KCNQ5: variants seen among roughly 807,000 people sequenced by gnomAD.
The protein encoded by KCNQ5 is potassium voltage-gated channel subfamily KQT member 5.
In KCNQ5, 30 loss-of-function variants were observed where a neutral mutation model predicts 98.2. The ratio of observed to expected loss-of-function variants is 0.31; its 90% confidence interval spans 0.23 to 0.41. KCNQ5 has a LOEUF of 0.41. Ranked by LOEUF, KCNQ5 falls within the 10% of genes least tolerant of loss-of-function variation. KCNQ5 has a pLI of 1.00. For missense variants in KCNQ5, 835 were observed against 1,182.5 expected (o/e 0.71, Z 4.31); for synonymous variants, 458 against 449.4 (o/e 1.02, Z -0.24).
chr6:73,023,242 A>G (rs1382950594), intron 2 of KCNQ5, among the ~76,000 whole-genome samples: 2 of 152,182 alleles, frequency 1.3e-5, no homozygotes, highest in Non-Finnish European at 2.9e-5. Flanking sequence ...GGATTTCTGC[A>G]CTTTCTGACT....
rs539172743 is a variant in KCNQ5, at chr6:72,930,130, A to T, written c.399-73778A>T. ...CATCTTTGCAGAGGTCATATTTAAT[A>T]AAAAAAAAAGTCTGCCTTTGTCTCA... is the stretch of plus-strand genomic sequence containing the variant. On this transcript the variant is annotated intron_variant, in intron 1 of 13. Coordinates refer to ENST00000370398, the MANE Select transcript of KCNQ5 (RefSeq NM_019842.4). Among the ~76,000 whole-genome samples the T allele has an allele frequency of 9.2e-4, 136 of 148,428 alleles. No homozygotes were observed. In the Middle Eastern group the frequency reaches 0.035, roughly 38 times the overall value.
intron 8 of KCNQ5, among the ~76,000 whole-genome samples, chr6:73,122,663 T>C (rs565851141): frequency 6.6e-6 from 1 of 152,336 alleles, no homozygotes; most frequent in East Asian, 1.9e-4. Context: ...CCAGTGATGC[T>C]TCATTGCTTC....
chr6:72,878,797 T>G (rs1778523026), intron 1 of KCNQ5, among the ~76,000 whole-genome samples: 1 of 152,236 alleles, frequency 6.6e-6, no homozygotes, highest in African/African-American at 2.4e-5. Context: ...TTCTCATTTG[T>G]TTCCCTTTCA....
chr6:72,920,879 G>A (rs991449748), intron 1 of KCNQ5, among the ~76,000 whole-genome samples: 7 of 152,084 alleles, frequency 4.6e-5, no homozygotes, highest in Non-Finnish European at 7.3e-5. Context: ...GTAATCTTAG[G>A]CTGTACATTT....
chr6:72,949,373 C>T (rs1188079920), intron 1 of KCNQ5, among the ~76,000 whole-genome samples: 3 of 152,158 alleles, frequency 2.0e-5, no homozygotes, highest in Non-Finnish European at 2.9e-5. Context: ...CTTAGATCCA[C>T]CATGTTGAAA....
intron 1 of KCNQ5, among the ~76,000 whole-genome samples, chr6:72,822,928 A>AGAT (rs1486838591): frequency 6.6e-6 from 1 of 152,122 alleles, no homozygotes; most frequent in East Asian, 1.9e-4. Flanking sequence ...CATGTCACTT[A>AGAT]GATCCCTGCT....
At chr6:72,662,341 A>T (rs1282649931) in intron 1 of KCNQ5, among the ~76,000 whole-genome samples, 1 of 152,158 alleles carries the variant, frequency 6.6e-6, no homozygotes, top group Non-Finnish European at 1.5e-5. Flanking sequence ...AAAATTTTGT[A>T]CTTTCCTTGT....
At chr6:73,153,037 G>T (rs1374087045) in intron 10 of KCNQ5, among the ~76,000 whole-genome samples, 1 of 152,146 alleles carries the variant, frequency 6.6e-6, no homozygotes, top group Admixed American at 6.5e-5. Flanking sequence ...TGCTGGAATA[G>T]GAGAGGACCA....
At chr6:72,886,878 A>G (rs1051775774) in intron 1 of KCNQ5, among the ~76,000 whole-genome samples, 2 of 152,172 alleles carry the variant, frequency 1.3e-5, no homozygotes, top group Admixed American at 6.6e-5. Flanking sequence ...CTGGAACTAA[A>G]TAATTTATTA....
chr6:73,124,950 T>C (rs1251309420), intron 9 of KCNQ5, among the ~76,000 whole-genome samples: 3 of 11,360 alleles, frequency 2.6e-4, no homozygotes, highest in African/African-American at 6.1e-4. Context: ...TATATATATA[T>C]ATATATATAT....
chr6:72,830,819 T>G (rs565876276), intron 1 of KCNQ5, among the ~76,000 whole-genome samples: 13 of 152,132 alleles, frequency 8.5e-5, no homozygotes, highest in Admixed American at 4.6e-4. Context: ...AGGAGAAAAT[T>G]TTTGCAATCT....
chr6:72,659,618 C>T (rs1404700882), intron 1 of KCNQ5, among the ~76,000 whole-genome samples: 1 of 152,076 alleles, frequency 6.6e-6, no homozygotes, highest in African/African-American at 2.4e-5. Context: ...TGTGTCCTCA[C>T]GTGGAAGAAG....
intron 1 of KCNQ5, among the ~76,000 whole-genome samples, chr6:72,960,875 T>A (rs1767307923): frequency 1.3e-5 from 2 of 152,224 alleles, no homozygotes; most frequent in Non-Finnish European, 1.5e-5. Context: ...GCCACCATAC[T>A]TCAGAGGTGG....
Position 72,645,328 on chromosome 6 carries a change from G to A in KCNQ5, c.398+22741G>A, listed in dbSNP as rs549503804. On this transcript the variant is annotated intron_variant, in intron 1 of 13. Coordinates refer to ENST00000370398, the MANE Select transcript of KCNQ5 (RefSeq NM_019842.4). The stretch of plus-strand genomic sequence containing the variant: ...CTGAGCTCAGGAGTTTGCAGCTGCA[G>A]TGAACAATGATGATGCCACTGCACT... 2.6e-5 allele frequency among the ~76,000 whole-genome samples: 4 copies of A among 151,172 alleles called. No homozygotes were observed. In the East Asian group the frequency reaches 7.8e-4, roughly 29 times the overall value.
intron 1 of KCNQ5, among the ~76,000 whole-genome samples, chr6:72,976,495 G>A (rs1318973134): frequency 1.3e-5 from 2 of 152,134 alleles, no homozygotes; most frequent in Non-Finnish European, 2.9e-5. Context: ...AACTTTAAAA[G>A]GAACACTCAC....
Position 72,975,158 on chromosome 6 carries a change from AAT to A in KCNQ5, c.399-28747_399-28746del, listed in dbSNP as rs150270723. 2.8e-3 allele frequency among the ~76,000 whole-genome samples: 427 copies of A among 152,276 alleles called. 5 individuals are homozygous for A. Among genetic ancestry groups the A allele is most frequent in the East Asian group, 0.025 (132 of 5,186 alleles). ...CTCTAGAACTTTCAGTGAAGGATAA[AAT>A]ATGTTAGGTAAAGCCACATTTTTGT... On this transcript the variant is annotated intron_variant, in intron 1 of 13. Coordinates refer to ENST00000370398, the MANE Select transcript of KCNQ5 (RefSeq NM_019842.4).
chr6:72,811,312 T>C (rs1463598927), intron 1 of KCNQ5, among the ~76,000 whole-genome samples: 1 of 152,196 alleles, frequency 6.6e-6, no homozygotes, highest in Admixed American at 6.5e-5. Context: ...GTTCCCAGAC[T>C]ACTCTGCTCA....
intron 10 of KCNQ5, among the ~76,000 whole-genome samples, chr6:73,150,671 C>G (rs1169536743): frequency 1.3e-5 from 2 of 151,212 alleles, no homozygotes; most frequent in African/African-American, 4.9e-5. Flanking sequence ...GAATACTACT[C>G]AGCAGTAAAG....
intron 10 of KCNQ5, chr6:73,135,141 A>C (rs1192202815): frequency 6.6e-6 from 1 of 152,184 alleles, no homozygotes; most frequent in African/African-American, 2.4e-5. Flanking sequence ...AAACAATGTC[A>C]GGCATTAGAA....
Sources: allele counts gnomAD v4.1 joint callset (sites outside exome capture counted in the v4.1 genomes callset), GRCh38; gene constraint gnomAD v4.1.1; transcripts MANE v1.5; gene names NCBI Gene and HGNC (gene_info 2026-07-23, HGNC 2026-07-21).